The following ADAMTS12 variants were observed in gnomAD, a reference collection of about 807,000 sequenced individuals.
The protein encoded by ADAMTS12 is A disintegrin and metalloproteinase with thrombospondin motifs 12.
ADAMTS12 carries 118 observed loss-of-function variants against 167.8 expected under a neutral mutation model. The observed-to-expected ratio is 0.70, with a 90% CI of 0.61 to 0.82. The LOEUF (loss-of-function observed/expected upper bound fraction) is 0.82. ADAMTS12 is among the 40% of genes least tolerant of loss of function. ADAMTS12 has a pLI of 0.00. For missense variants in ADAMTS12, 1,916 were observed against 1,998.8 expected (o/e 0.96, Z 0.79); for synonymous variants, 704 against 716.9 (o/e 0.98, Z 0.29).
At position 33,615,930 on chromosome 5, in the gene ADAMTS12, G is replaced by C; in HGVS notation, c.2286C>G (p.Asn762Lys). 2 of 1,613,992 alleles carry C rather than the reference G, an allele frequency of 1.2e-6. No individual in the cohort carries two copies. Among genetic ancestry groups the C allele is most frequent in the South Asian group, 2.2e-5 (2 of 91,068 alleles). ...YLNGGFIIQWNGNYKLAGTVF... is the reference protein window; with the variant it reads ...YLNGGFIIQWKGNYKLAGTVF... ...CAGTCCCTGCCAGCTTATAGTTCCC[G>C]TTCCACTGGATAATAAACCCTCCAT... Residue 762 changes from asparagine (N) to lysine (K), a missense_variant, in exon 15 of 24, where the codon AAC becomes AAG. Transcript: ENST00000504830.
At chr5:33,799,999 C>T (rs931741478) in intron 2 of ADAMTS12, among the ~76,000 whole-genome samples, 3 of 152,122 alleles carry the variant, frequency 2.0e-5, no homozygotes, top group Non-Finnish European at 4.4e-5. Flanking sequence ...GTTCCTGGGT[C>T]CGGGACTGTG....
chr5:33,585,265 GGGCT>G, intron 18 of ADAMTS12, among the ~76,000 whole-genome samples: 1 of 152,292 alleles, frequency 6.6e-6, no homozygotes, highest in African/African-American at 2.4e-5. Flanking sequence ...GGAACCCACT[GGGCT>G]GCCCTTATTG....
At chr5:33,808,997 AT>A (rs1395830943) in intron 2 of ADAMTS12, among the ~76,000 whole-genome samples, 2 of 152,072 alleles carry the variant, frequency 1.3e-5, no homozygotes, top group African/African-American at 4.8e-5. Context: ...ACCCACATTT[AT>A]CCATTTCTTT....
chr5:33,577,802 G>C (rs1308415292), intron 18 of ADAMTS12, among the ~76,000 whole-genome samples: 1 of 152,154 alleles, frequency 6.6e-6, no homozygotes, highest in African/African-American at 2.4e-5. Context: ...TTCCCAAGGA[G>C]TTCGGTCAAT....
intron 22 of ADAMTS12, among the ~76,000 whole-genome samples, chr5:33,544,367 C>G (rs371696463): frequency 6.6e-6 from 1 of 152,080 alleles, no homozygotes; most frequent in Non-Finnish European, 1.5e-5. Context: ...AAAGAGGACA[C>G]AAACAAATGG....
chr5:33,834,286 T>A (rs1335067068), intron 2 of ADAMTS12, among the ~76,000 whole-genome samples: 1 of 152,178 alleles, frequency 6.6e-6, no homozygotes, highest in Non-Finnish European at 1.5e-5. Context: ...ATACAGTCCA[T>A]AACAGGGGCC....
chr5:33,550,791 C>G (rs1745220387), intron 20 of ADAMTS12, among the ~76,000 whole-genome samples: 1 of 151,844 alleles, frequency 6.6e-6, no homozygotes, highest in African/African-American at 2.4e-5. Context: ...GAAAGCAGAG[C>G]CTGCCCTGCC....
intron 2 of ADAMTS12, among the ~76,000 whole-genome samples, chr5:33,769,553 C>T (rs1330616545): frequency 1.3e-5 from 2 of 152,164 alleles, no homozygotes; most frequent in African/African-American, 2.4e-5. Context: ...CAATTACAGG[C>T]AGTGATGTTG....
intron 5 of ADAMTS12, among the ~76,000 whole-genome samples, chr5:33,668,137 AC>A (rs1741537752): frequency 6.6e-6 from 1 of 152,192 alleles, no homozygotes; most frequent in Admixed American, 6.5e-5. Context: ...CAATGAATAC[AC>A]CTAACCTACC....
intron 3 of ADAMTS12, among the ~76,000 whole-genome samples, chr5:33,707,807 A>G (rs182902623): frequency 6.6e-6 from 1 of 152,350 alleles, no homozygotes; most frequent in East Asian, 1.9e-4. Flanking sequence ...TTAACTCAAG[A>G]TGGATGAAGG....
intron 3 of ADAMTS12, among the ~76,000 whole-genome samples, chr5:33,736,201 C>T (rs573732230): frequency 6.6e-6 from 1 of 151,792 alleles, no homozygotes; most frequent in East Asian, 1.9e-4. Context: ...TAGCTGGGAA[C>T]ACATGCGTAT....
chr5:33,616,334 G>C (rs954768497), intron 14 of ADAMTS12, among the ~76,000 whole-genome samples: 12 of 152,258 alleles, frequency 7.9e-5, no homozygotes, highest in East Asian at 7.7e-4. Flanking sequence ...GGACTCTGAA[G>C]CTTTTGTGGT....
At chr5:33,823,091 T>TA (rs34101310) in intron 2 of ADAMTS12, among the ~76,000 whole-genome samples, 54,421 of 140,052 alleles carry the variant, frequency 0.39, 10,617 homozygotes, top group East Asian at 0.6. Flanking sequence ...ACCCCATTTC[T>TA]AAAAAAAAAA....
At chr5:33,836,744 AG>A (rs1748542370) in intron 2 of ADAMTS12, among the ~76,000 whole-genome samples, 1 of 152,074 alleles carries the variant, frequency 6.6e-6, no homozygotes, top group South Asian at 2.1e-4. Flanking sequence ...ACCTGGGTGG[AG>A]GTAACAAATG....
chr5:33,855,175 A>C (rs1460102503), intron 2 of ADAMTS12, among the ~76,000 whole-genome samples: 1 of 152,220 alleles, frequency 6.6e-6, no homozygotes, highest in East Asian at 1.9e-4. Context: ...GAACCAGCAG[A>C]ATTTTCCATC....
At position 33,881,250 on chromosome 5, in the gene ADAMTS12, C is replaced by T; in HGVS notation, c.358G>A (p.Glu120Lys). ...TGGGAGAGGTTCCCATATCTCTTCT[C>T]CATGATGTAGCTATTGGAAAGAAAT... Reference protein sequence around the residue: ...QGFLSNSYIMEKRYGNLSHVK... With the variant: ...QGFLSNSYIMKKRYGNLSHVK... Residue 120 changes from glutamate to lysine, a missense_variant, in exon 2 of 24, where the codon GAG (glutamate) becomes AAG (lysine). Transcript: ENST00000504830. The T allele has an allele frequency of 6.2e-7, 1 of 1,614,154 alleles. No homozygotes were observed. Among genetic ancestry groups the T allele is most frequent in the Non-Finnish European group, 8.5e-7 (1 of 1,180,032 alleles).
chr5:33,754,045 A>C (rs1745086202), intron 2 of ADAMTS12, among the ~76,000 whole-genome samples: 1 of 152,074 alleles, frequency 6.6e-6, no homozygotes, highest in Non-Finnish European at 1.5e-5. Context: ...TGAGCTCTGC[A>C]CCTCTTCTCT....
Position 33,527,256 on chromosome 5 carries a change from G to C in ADAMTS12, c.4717C>G (p.Gln1573Glu). The C allele has an allele frequency of 5.0e-6, 8 of 1,614,042 alleles. No individual in the cohort carries two copies. Among genetic ancestry groups the C allele is most frequent in the Non-Finnish European group, 6.8e-6 (8 of 1,180,004 alleles). Residue 1573 changes from glutamine (Q) to glutamate (E), a missense_variant, in exon 24 of 24, where the codon CAG becomes GAG. By Grantham distance (29) the Gln-to-Glu change is conservative. Coordinates refer to ENST00000504830, the MANE Select transcript of ADAMTS12 (RefSeq NM_030955.4). ...CTTTGGGTGTGTGTGATGTGTGTCT[G>C]GGGACACGAGAAGCAGCACTCAGCC... The part of the protein sequence containing the change: ...VRAECCFSCP[Q>E]THITHTQRQR...
intron 9 of ADAMTS12, among the ~76,000 whole-genome samples, chr5:33,647,032 T>G (rs1740694726): frequency 6.6e-6 from 1 of 151,966 alleles, no homozygotes; most frequent in South Asian, 2.1e-4. Flanking sequence ...TAAAGATACA[T>G]GATATAAAAT....
Sources: allele counts gnomAD v4.1 joint callset (sites outside exome capture counted in the v4.1 genomes callset), GRCh38; gene constraint gnomAD v4.1.1; transcripts MANE v1.5; gene names NCBI Gene and HGNC (gene_info 2026-07-23, HGNC 2026-07-21).